SV2C: variants seen among roughly 807,000 people sequenced by gnomAD.
The protein encoded by SV2C is synaptic vesicle glycoprotein 2C, also known as solute carrier family 22 member B3.
In SV2C, 49 loss-of-function variants were observed where a neutral mutation model predicts 79.7. The ratio of observed to expected loss-of-function variants is 0.61; its 90% CI spans 0.49 to 0.78. SV2C has a LOEUF of 0.78. Ranked by LOEUF, SV2C falls within the 30% of genes least tolerant of loss-of-function variation. The pLI, the probability that SV2C is intolerant of heterozygous loss-of-function variation, is 0.00. For missense variants in SV2C, 833 were observed against 912.9 expected, an observed-to-expected ratio of 0.91 and a Z score of 1.13; for synonymous variants, 334 against 333.2, an observed-to-expected ratio of 1.00 and a Z score of -0.03.
chr5:76,236,883 G>A (rs1002084686), intron 4 of SV2C, among the ~76,000 whole-genome samples: 5 of 152,224 alleles, frequency 3.3e-5, no homozygotes, highest in African/African-American at 1.2e-4. Context: ...AACAGGTGGA[G>A]GTAATTGCAT....
At chr5:75,856,839 C>A in the SV2C span, among the ~76,000 whole-genome samples, 2 of 151,774 alleles carry the variant, frequency 1.3e-5, no homozygotes, top group Non-Finnish European at 2.9e-5. Context: ...GTTGCCTGTG[C>A]GAGTGGAACA....
At chr5:76,341,911 T>C (rs1383984132) in intron 12 of SV2C, among the ~76,000 whole-genome samples, 3 of 152,198 alleles carry the variant, frequency 2.0e-5, no homozygotes, top group African/African-American at 7.2e-5. Context: ...ACAAGACTTT[T>C]TGCAGGACCG....
At chr5:76,117,477 G>A (rs1044243467) in intron 1 of SV2C, among the ~76,000 whole-genome samples, 3 of 152,048 alleles carry the variant, frequency 2.0e-5, no homozygotes, top group African/African-American at 7.2e-5. Context: ...CAATTCTAAA[G>A]TTTATTTGGA....
At chr5:75,952,256 T>G in the SV2C span, among the ~76,000 whole-genome samples, 32,420 of 100,402 alleles carry the variant, frequency 0.32, 4,804 homozygotes, top group Middle Eastern at 0.48. Flanking sequence ...TTTTCCTTCC[T>G]TCCTTCCTTC....
rs1749183166 is a variant in SV2C, at chr5:76,331,460, G to A, written c.*5913G>A. ...ACAGCCAGTAGCAGGGGTATTTTGG[G>A]TTTCAGTTTAAAACTGGTGCGTGTT... On this transcript the variant is annotated 3_prime_UTR_variant, in exon 13 of 13. Coordinates refer to ENST00000502798, the MANE Select transcript of SV2C (RefSeq NM_014979.4). 1 of 152,276 alleles carries A rather than the reference G, an allele frequency of 6.6e-6. No homozygotes were observed. The allele number at this position is 152,276 out of a possible 1,614,324, so 9.4% of individuals were successfully genotyped here.
chr5:75,930,569 A>G, the SV2C span, among the ~76,000 whole-genome samples: 3 of 152,216 alleles, frequency 2.0e-5, no homozygotes, highest in Non-Finnish European at 4.4e-5. Context: ...TAGAAGGTCT[A>G]TCATCCAAGA....
chr5:76,092,418 T>C (rs1580259270), intron 1 of SV2C, among the ~76,000 whole-genome samples: 1 of 152,214 alleles, frequency 6.6e-6, no homozygotes, highest in South Asian at 2.1e-4. Context: ...TGAGGTCATC[T>C]AAGTTGTGAG....
intron 1 of SV2C, among the ~76,000 whole-genome samples, chr5:76,105,401 A>G (rs1747878379): frequency 6.6e-6 from 1 of 152,162 alleles, no homozygotes; most frequent in African/African-American, 2.4e-5. Flanking sequence ...CCTCTCACAG[A>G]CACAAGCCCC....
chr5:76,126,268 A>C (rs1748702454), intron 1 of SV2C, among the ~76,000 whole-genome samples: 1 of 152,202 alleles, frequency 6.6e-6, no homozygotes, highest in Non-Finnish European at 1.5e-5. Flanking sequence ...TTCATGAAAG[A>C]AGTGATTTTT....
intron 12 of SV2C, among the ~76,000 whole-genome samples, chr5:76,346,457 C>T (rs1396897675): frequency 6.6e-6 from 1 of 152,176 alleles, no homozygotes; most frequent in Non-Finnish European, 1.5e-5. Flanking sequence ...AGTCTAAGCT[C>T]TAATTTCCTG....
chr5:76,108,709 A>T (rs1239639948), intron 1 of SV2C, among the ~76,000 whole-genome samples: 1 of 152,226 alleles, frequency 6.6e-6, no homozygotes, highest in Non-Finnish European at 1.5e-5. Context: ...GTTTCAAGCT[A>T]AAGCCTTAAA....
the SV2C span, among the ~76,000 whole-genome samples, chr5:76,051,645 C>T: frequency 2.0e-5 from 3 of 152,142 alleles, no homozygotes; most frequent in Non-Finnish European, 4.4e-5. Flanking sequence ...TACAGCATGG[C>T]TGCAATAATG....
intron 12 of SV2C, 63 bp from the exon 13 acceptor site, chr5:76,325,301 G>A (rs960997613): frequency 6.5e-7 from 1 of 1,534,734 alleles, no homozygotes; most frequent in African/African-American, 1.4e-5. Flanking sequence ...GGATCTTTTG[G>A]TCTAAAGTTG....
the SV2C span, among the ~76,000 whole-genome samples, chr5:76,008,437 CTG>C: frequency 1.3e-5 from 2 of 152,130 alleles, no homozygotes; most frequent in African/African-American, 2.4e-5. Flanking sequence ...ACACAGTTAA[CTG>C]TGAATTCAAG....
the SV2C span, among the ~76,000 whole-genome samples, chr5:75,885,058 A>G: frequency 2.0e-5 from 3 of 152,206 alleles, no homozygotes; most frequent in Non-Finnish European, 4.4e-5. Context: ...ATTATTACAT[A>G]ACCAGCTTAA....
At chr5:76,003,145 T>A in the SV2C span, among the ~76,000 whole-genome samples, 2,396 of 152,298 alleles carry the variant, frequency 0.016, 70 homozygotes, top group African/African-American at 0.056. Flanking sequence ...ACGTCTTTGC[T>A]TCCCCTTCTG....
intron 4 of SV2C, among the ~76,000 whole-genome samples, chr5:76,218,540 G>A (rs899882164): frequency 3.9e-5 from 6 of 152,192 alleles, no homozygotes; most frequent in Non-Finnish European, 7.3e-5. Context: ...TCACTCATAA[G>A]TGGGAGTTGA....
intron 4 of SV2C, among the ~76,000 whole-genome samples, chr5:76,233,726 A>G (rs1386728939): frequency 2.0e-5 from 3 of 151,078 alleles, no homozygotes; most frequent in Non-Finnish European, 4.4e-5. Flanking sequence ...GGCTCTGTTT[A>G]TATGCTGGAT....
the SV2C span, among the ~76,000 whole-genome samples, chr5:76,023,566 T>C: frequency 6.6e-6 from 1 of 152,006 alleles, no homozygotes; most frequent in African/African-American, 2.4e-5. Context: ...CCACTTCCCC[T>C]AGCCCTTCCC....
Sources: gnomAD v4.1 joint callset for allele counts (sites outside exome capture counted in the v4.1 genomes callset) on GRCh38, gnomAD v4.1.1 for gene constraint, MANE v1.5 for transcripts, NCBI Gene and HGNC (gene_info 2026-07-23, HGNC 2026-07-21) for gene names.